LRRC37A: variants seen among roughly 807,000 people sequenced by gnomAD.
LRRC37A encodes the protein leucine-rich repeat-containing protein 37A.
A neutral mutation model predicts 35.4 loss-of-function variants in LRRC37A; 3 were observed. The observed-to-expected ratio is 0.08, with a 90% confidence interval of 0.04 to 0.22. The LOEUF is 0.22. Ranked by LOEUF, LRRC37A falls within the 10% of genes least tolerant of loss-of-function variation. The pLI is 1.00. For synonymous variants in LRRC37A, 23 were observed against 215.0 expected, an observed-to-expected ratio of 0.11 and a Z score of 7.81; for missense variants, 67 against 565.3, an observed-to-expected ratio of 0.12 and a Z score of 8.94.
At position 46,307,787 on chromosome 17, in the gene LRRC37A, T is replaced by C. The variant is rs1317557413; in HGVS notation, c.2906+1478T>C. On this transcript the variant is annotated intron_variant, in intron 5 of 13. Coordinates refer to ENST00000320254, the Ensembl canonical transcript of LRRC37A. ...AATTCCAGCACTTTGCTGAGGTGGG[T>C]GGATCACCTGAGGTCAGGAGTTCAA... is the stretch of plus-strand genomic sequence containing the variant. 2.5e-5 allele frequency among the ~76,000 whole-genome samples: 2 copies of C among 78,730 alleles called. 1 individual carries two copies. Among genetic ancestry groups the C allele is most frequent in the Admixed American group, 2.6e-4 (2 of 7,564 alleles). The allele number at this position is 78,730 out of a possible 152,430, so 51.6% of individuals were successfully genotyped here. A position where few individuals can be genotyped will look rare whatever the true frequency, so the allele number is the denominator to read the frequency against.
the LRRC37A span, among the ~76,000 whole-genome samples, chr17:46,258,346 G>C: frequency 1.3e-5 from 2 of 152,154 alleles, no homozygotes; most frequent in Non-Finnish European, 2.9e-5. Flanking sequence ...AAGTAGCTGG[G>C]ATTACAGGCG....
upstream of LRRC37A, among the ~76,000 whole-genome samples, chr17:46,288,305 C>CTTTTTTTT (rs78255121): frequency 1.8e-5 from 2 of 112,260 alleles, no homozygotes; most frequent in Non-Finnish European, 3.4e-5. Flanking sequence ...CCAGGCCCGG[C>CTTTTTTTT]TTTTTTTTTT....
chr17:46,282,567 A>T, the LRRC37A span, among the ~76,000 whole-genome samples: 1 of 148,118 alleles, frequency 6.8e-6, no homozygotes, highest in East Asian at 2.0e-4. Flanking sequence ...GGCACTCATC[A>T]CCAAGCCTGG....
At chr17:46,286,188 T>C in the LRRC37A span, among the ~76,000 whole-genome samples, 2 of 152,274 alleles carry the variant, frequency 1.3e-5, no homozygotes, top group African/African-American at 2.4e-5. Context: ...CCCTGGGATA[T>C]AAAATAGTTT....
At chr17:46,275,515 C>A in the LRRC37A span, 2 of 595,222 alleles carry the variant, frequency 3.4e-6, no homozygotes, top group East Asian at 5.4e-5. Flanking sequence ...GAAGAAGCAG[C>A]CATGTTCTTT....
the LRRC37A span, among the ~76,000 whole-genome samples, chr17:46,286,898 CCTT>C: frequency 6.6e-6 from 1 of 152,224 alleles, no homozygotes; most frequent in Non-Finnish European, 1.5e-5. Context: ...TTCTTAGCCT[CCTT>C]TTCTGCGATG....
chr17:46,259,132 G>C, the LRRC37A span, among the ~76,000 whole-genome samples: 1 of 145,686 alleles, frequency 6.9e-6, no homozygotes, highest in Non-Finnish European at 1.5e-5. Context: ...AGAATGCCAT[G>C]TGGTGGAGGC....
the LRRC37A span, among the ~76,000 whole-genome samples, chr17:46,272,533 G>A: frequency 0.12 from 18,457 of 152,138 alleles, no homozygotes; most frequent in Non-Finnish European, 0.18. Context: ...TCCTGCCTCA[G>A]CCTCCCTAGT....
chr17:46,256,458 A>C, the LRRC37A span, among the ~76,000 whole-genome samples: 3 of 152,162 alleles, frequency 2.0e-5, no homozygotes, highest in Non-Finnish European at 4.4e-5. Context: ...TTGTCCACCA[A>C]GTGAAGATAT....
the LRRC37A span, chr17:46,259,705 C>T: frequency 1.9e-6 from 3 of 1,600,186 alleles, no homozygotes; most frequent in Middle Eastern, 4.4e-4. Flanking sequence ...GATGAGGCCG[C>T]TGAAGGGCAC....
chr17:46,293,010 G>C (rs548960625), upstream of LRRC37A: 50 of 48,466 alleles, frequency 1.0e-3, 8 homozygotes, highest in African/African-American at 2.3e-3. Flanking sequence ...CTGGAGTGCA[G>C]TGGTATGATC....
the LRRC37A span, among the ~76,000 whole-genome samples, chr17:46,270,789 C>A: frequency 6.6e-6 from 1 of 152,208 alleles, no homozygotes; most frequent in African/African-American, 2.4e-5. Flanking sequence ...TGCCTGTAAT[C>A]CCAGCTATTG....
the LRRC37A span, among the ~76,000 whole-genome samples, chr17:46,272,852 A>G: frequency 1.1e-4 from 17 of 152,260 alleles, no homozygotes; most frequent in African/African-American, 3.6e-4. Flanking sequence ...CATGAAATTA[A>G]TATCTTCCTG....
At chr17:46,279,093 T>C in the LRRC37A span, among the ~76,000 whole-genome samples, 5 of 152,234 alleles carry the variant, frequency 3.3e-5, no homozygotes, top group Non-Finnish European at 7.3e-5. Context: ...CCACTGTTCC[T>C]GGCCCAATGT....
At chr17:46,279,175 C>CT in the LRRC37A span, among the ~76,000 whole-genome samples, 78 of 147,858 alleles carry the variant, frequency 5.3e-4, no homozygotes, top group Non-Finnish European at 9.4e-4. Flanking sequence ...ATAAGGCATT[C>CT]TTTTTTTTCT....
At chr17:46,270,327 T>C in the LRRC37A span, among the ~76,000 whole-genome samples, 2 of 152,236 alleles carry the variant, frequency 1.3e-5, no homozygotes, top group South Asian at 4.1e-4. Flanking sequence ...TTACAATACC[T>C]GATACTATTA....
chr17:46,287,923 A>T (rs1466655633), upstream of LRRC37A, among the ~76,000 whole-genome samples: 1 of 152,256 alleles, frequency 6.6e-6, no homozygotes, highest in Non-Finnish European at 1.5e-5. Context: ...TGTGTCTACA[A>T]GTGTTGATAG....
the LRRC37A span, chr17:46,268,781 G>A: frequency 1.0e-6 from 1 of 985,416 alleles, no homozygotes; most frequent in East Asian, 3.4e-5. Context: ...TCCTCCTTTA[G>A]AAGAGAGCCC....
chr17:46,269,990 T>A, the LRRC37A span, among the ~76,000 whole-genome samples: 1 of 152,250 alleles, frequency 6.6e-6, no homozygotes, highest in Non-Finnish European at 1.5e-5. Flanking sequence ...GTTTAATCAC[T>A]AGCTAAATTA....
Sources: allele counts gnomAD v4.1 joint callset (sites outside exome capture counted in the v4.1 genomes callset), GRCh38; gene constraint gnomAD v4.1.1; transcripts MANE v1.5; gene names NCBI Gene and HGNC (gene_info 2026-07-23, HGNC 2026-07-21).